C11orf65: variants seen among roughly 807,000 people sequenced by gnomAD.
C11orf65 encodes the protein chromosome 11 open reading frame 65, also known as protein MFI.
A neutral mutation model predicts 35.3 loss-of-function variants in C11orf65; 38 were observed. That is an observed-to-expected ratio of 1.08 (90% CI 0.83 to 1.41). C11orf65 has a LOEUF of 1.41. Ranked by LOEUF, C11orf65 falls within the 40% of genes most tolerant of loss-of-function variation. C11orf65 has a pLI of 0.00. For synonymous variants in C11orf65, 105 were observed against 114.4 expected (o/e 0.92, Z 0.53); for missense variants, 370 against 367.1 (o/e 1.01, Z -0.06).
At chr11:108,308,863 T>A in exon 7 of C11orf65, 1 of 648,426 alleles carries the variant, frequency 1.5e-6, no homozygotes. Flanking sequence ...TAGAGTTTTA[T>A]ACCAGATTAT....
At chr11:108,436,889 T>C (rs768843802) in intron 2 of C11orf65, among the ~76,000 whole-genome samples, 7 of 152,174 alleles carry the variant, frequency 4.6e-5, no homozygotes, top group Non-Finnish European at 1.0e-4. Flanking sequence ...ATAATATTCT[T>C]TGAAAATAAA....
At chr11:108,420,794 T>G (rs2138881315) in intron 3 of C11orf65, among the ~76,000 whole-genome samples, 1 of 152,242 alleles carries the variant, frequency 6.6e-6, no homozygotes, top group Admixed American at 6.5e-5. Context: ...TATTTTTATT[T>G]TGTAGAGATG....
At chr11:108,391,725 C>A (rs2092165680) in intron 7 of C11orf65, among the ~76,000 whole-genome samples, 1 of 151,640 alleles carries the variant, frequency 6.6e-6, no homozygotes, top group Non-Finnish European at 1.5e-5. Context: ...AGAGACCCTG[C>A]ACCCCATAGC....
intron 2 of C11orf65, among the ~76,000 whole-genome samples, chr11:108,455,815 CAAAAAA>C (rs112701513): frequency 1.8e-5 from 1 of 56,154 alleles, no homozygotes; most frequent in African/African-American, 6.9e-5. Context: ...GACTCCACCT[CAAAAAA>C]AAAAAAAAAA....
intron 3 of C11orf65, among the ~76,000 whole-genome samples, chr11:108,421,399 T>C (rs529594938): frequency 6.6e-6 from 1 of 152,332 alleles, no homozygotes; most frequent in Admixed American, 6.5e-5. Flanking sequence ...CTCACGCCTA[T>C]AATCCCAGAA....
intron 3 of C11orf65, chr11:108,331,711 T>G: frequency 1.5e-6 from 2 of 1,313,300 alleles, no homozygotes; most frequent in Non-Finnish European, 2.1e-6. Flanking sequence ...TCATTTTCTC[T>G]CTCTAATTCC....
intron 2 of C11orf65, among the ~76,000 whole-genome samples, chr11:108,445,958 G>A (rs1441961109): frequency 5.9e-5 from 9 of 152,260 alleles, no homozygotes; most frequent in East Asian, 3.9e-4. Flanking sequence ...GCCGAGGCTC[G>A]AGAACTACGT....
At chr11:108,335,557 G>T (rs892406191) in intron 2 of C11orf65, among the ~76,000 whole-genome samples, 1 of 152,176 alleles carries the variant, frequency 6.6e-6, no homozygotes, top group Non-Finnish European at 1.5e-5. Flanking sequence ...GGGAGTGGTG[G>T]AAAGACACAG....
At chr11:108,340,371 GATA>G (rs1409479309) in intron 2 of C11orf65, 1 of 141,060 alleles carries the variant, frequency 7.1e-6, no homozygotes, top group Non-Finnish European at 1.6e-5. Flanking sequence ...AGATCTGTAA[GATA>G]ATGTCTGTTT....
downstream of C11orf65, among the ~76,000 whole-genome samples, chr11:108,380,811 G>A (rs746716089): frequency 3.8e-4 from 58 of 152,116 alleles, no homozygotes; most frequent in Middle Eastern, 3.2e-3. Flanking sequence ...TTCTTAACAG[G>A]GATTACTACT....
rs375861360 is a variant in C11orf65 at position 108,356,821 on chromosome 11, G to T, written c.227-21529C>A. On this transcript the variant is annotated intron_variant, in intron 2 of 3. Transcript: ENST00000524755. ...CAAATGAGAGAAGTGACAGTGGCCAGATCCTTTGCCATTGTAAGGACTTTG... is the reference window on the plus strand; with the variant it reads ...CAAATGAGAGAAGTGACAGTGGCCATATCCTTTGCCATTGTAAGGACTTTG... Among the ~76,000 whole-genome samples, 15 of 152,344 alleles carry T rather than the reference G, an allele frequency of 9.8e-5. No homozygotes were observed. In the East Asian group the frequency reaches 2.5e-3, roughly 25 times the overall value.
At chr11:108,379,993 CAGCAGATTTGAAA>C (rs2091835044), downstream of C11orf65, among the ~76,000 whole-genome samples, 1 of 152,132 alleles carries the variant, frequency 6.6e-6, no homozygotes. Context: ...GAATTATCTC[CAGCAGATTTGAAA>C]AGCACAAGTA....
chr11:108,457,686 G>A (rs2093424563), intron 2 of C11orf65, among the ~76,000 whole-genome samples: 1 of 152,098 alleles, frequency 6.6e-6, no homozygotes, highest in African/African-American at 2.4e-5. Flanking sequence ...GTATGAGGGT[G>A]AAAGAAAGTA....
chr11:108,384,962 C>G (rs776954640), intron 8 of C11orf65, among the ~76,000 whole-genome samples: 4 of 152,210 alleles, frequency 2.6e-5, no homozygotes, highest in African/African-American at 4.8e-5. Flanking sequence ...TTACTTTTAG[C>G]ATTTCAGTAC....
At position 108,384,644 on chromosome 11, in the gene C11orf65, G is replaced by A. The variant is rs151142005; in HGVS notation, c.787+1276C>T. On this transcript the variant is annotated intron_variant, in intron 8 of 8. Coordinates refer to ENST00000393084, the MANE Select transcript of C11orf65 (RefSeq NM_152587.5). ...AAAAATTAGCTGGGCATGGTGGTGT[G>A]TGCCTATGGTCCCAGCTACCCAGGA... Among the ~76,000 whole-genome samples, 142 of 152,098 alleles carry A rather than the reference G, an allele frequency of 9.3e-4. 2 individuals carry two copies. The East Asian group carries it at 0.02, about 21-fold the overall frequency.
chr11:108,396,641 C>T (rs185013715), intron 6 of C11orf65, among the ~76,000 whole-genome samples: 1,653 of 150,618 alleles, frequency 0.011, 38 homozygotes, highest in African/African-American at 0.038. Context: ...ACCATCCTGG[C>T]TAACACAGTG....
chr11:108,421,886 C>G (rs1192362146), intron 3 of C11orf65, among the ~76,000 whole-genome samples: 1 of 152,142 alleles, frequency 6.6e-6, no homozygotes, highest in Non-Finnish European at 1.5e-5. Context: ...CCTGGTTGCT[C>G]TAAGTTTTTA....
intron 2 of C11orf65, among the ~76,000 whole-genome samples, chr11:108,354,387 A>T (rs1342501831): frequency 1.3e-5 from 2 of 152,144 alleles, no homozygotes; most frequent in Non-Finnish European, 2.9e-5. Flanking sequence ...CTACATTTTT[A>T]TTTATAGGAG....
At chr11:108,354,661 A>G in intron 2 of C11orf65, 1 of 758,328 alleles carries the variant, frequency 1.3e-6, no homozygotes, top group South Asian at 1.5e-5. Flanking sequence ...ATGAAAGCCC[A>G]CTCTGCCAAG....
Sources: gnomAD v4.1 joint callset for allele counts (sites outside exome capture counted in the v4.1 genomes callset) on GRCh38, gnomAD v4.1.1 for gene constraint, MANE v1.5 for transcripts, NCBI Gene and HGNC (gene_info 2026-07-23, HGNC 2026-07-21) for gene names.